Variants in CSMD2 observed in about 807,000 individuals in gnomAD.
CSMD2 encodes CUB and sushi domain-containing protein 2.
A neutral mutation model predicts 398.5 loss-of-function variants in CSMD2; 130 were observed. That is an observed-to-expected ratio of 0.33 (90% CI 0.28 to 0.38). The LOEUF (loss-of-function observed/expected upper bound fraction) is 0.38. Among genes scored for constraint, CSMD2 ranks in the 10% least tolerant of loss-of-function variants. CSMD2 has a pLI of 1.00. For missense variants in CSMD2, 3,829 were observed against 4,764.9 expected, an observed-to-expected ratio of 0.80 and a Z score of 5.78; for synonymous variants, 1,828 against 1,908.5, an observed-to-expected ratio of 0.96 and a Z score of 1.10.
intron 21 of CSMD2, among the ~76,000 whole-genome samples, chr1:33,710,355 A>G (rs928304408): frequency 6.6e-6 from 1 of 152,170 alleles, no homozygotes; most frequent in Non-Finnish European, 1.5e-5. Flanking sequence ...TGAATCTATG[A>G]ATTTCCAAGG....
intron 10 of CSMD2, among the ~76,000 whole-genome samples, chr1:33,793,304 A>G (rs1654547739): frequency 6.6e-6 from 1 of 152,154 alleles, no homozygotes; most frequent in Admixed American, 6.5e-5. Flanking sequence ...TGACCCCATC[A>G]GGCCAAAGGG....
chr1:33,604,352 A>G (rs2148816417), intron 42 of CSMD2, among the ~76,000 whole-genome samples: 1 of 152,368 alleles, frequency 6.6e-6, no homozygotes, highest in South Asian at 2.1e-4. Context: ...TTTACATTCC[A>G]ACACCAGAAC....
At chr1:33,931,814 A>G (rs1011545865) in intron 4 of CSMD2, among the ~76,000 whole-genome samples, 9 of 152,238 alleles carry the variant, frequency 5.9e-5, no homozygotes, top group African/African-American at 1.7e-4. Flanking sequence ...TAAGGGACTG[A>G]GCCACTCAGT....
intron 51 of CSMD2, among the ~76,000 whole-genome samples, chr1:33,570,286 G>A (rs1007326480): frequency 2.0e-5 from 3 of 149,802 alleles, no homozygotes; most frequent in African/African-American, 7.4e-5. Context: ...TTTTGCCTCA[G>A]CCTCCCAAGT....
intron 5 of CSMD2, among the ~76,000 whole-genome samples, chr1:33,851,003 C>T (rs116612487): frequency 6.6e-6 from 1 of 152,092 alleles, no homozygotes; most frequent in South Asian, 2.1e-4. Flanking sequence ...CTGAGAGATA[C>T]CCCCATCAAG....
intron 3 of CSMD2, among the ~76,000 whole-genome samples, chr1:33,996,024 A>G (rs1646715312): frequency 6.6e-6 from 1 of 152,248 alleles, no homozygotes; most frequent in Admixed American, 6.5e-5. Context: ...AGACACAACA[A>G]ACAAAGAACA....
chr1:33,801,040 G>A (rs1263121429), intron 10 of CSMD2, among the ~76,000 whole-genome samples: 2 of 152,182 alleles, frequency 1.3e-5, no homozygotes, highest in African/African-American at 4.8e-5. Flanking sequence ...CCTGCCTGGA[G>A]AATTAATTCT....
intron 6 of CSMD2, among the ~76,000 whole-genome samples, chr1:33,826,732 A>G (rs561632773): frequency 5.3e-5 from 8 of 152,320 alleles, no homozygotes; most frequent in African/African-American, 1.9e-4. Context: ...TGTACCCATC[A>G]GCCGCCTTTG....
chr1:33,915,103 A>AT lies in CSMD2; in HGVS notation c.920+2990dup, dbSNP rs1003714831. 2.1e-3 allele frequency among the ~76,000 whole-genome samples: 323 copies of AT among 150,244 alleles called. 2 individuals are homozygous for AT. The highest frequency in any genetic ancestry group is 7.3e-3 in the African/African-American group (298 of 40,964). On this transcript the variant is annotated intron_variant, in intron 5 of 70. Coordinates refer to ENST00000373381, the MANE Select transcript of CSMD2 (RefSeq NM_001281956.2). ...TGTTATCTGGTAAGGGAGGTAGTGG[A>AT]TTTTTTTTTTCTCTCAAAGGAATTC...
At chr1:33,688,240 A>C (rs1391000170) in intron 25 of CSMD2, among the ~76,000 whole-genome samples, 2 of 152,196 alleles carry the variant, frequency 1.3e-5, no homozygotes, top group East Asian at 1.9e-4. Flanking sequence ...ATCAAACAGG[A>C]TGAGGTAGGT....
At chr1:33,651,128 A>G (rs1643732595) in intron 28 of CSMD2, among the ~76,000 whole-genome samples, 1 of 152,140 alleles carries the variant, frequency 6.6e-6, no homozygotes, top group African/African-American at 2.4e-5. Flanking sequence ...TAAGGGAGAG[A>G]TCGGCATGGG....
At chr1:33,839,156 T>C (rs1301221276) in intron 6 of CSMD2, 2 of 152,204 alleles carry the variant, frequency 1.3e-5, no homozygotes, top group Non-Finnish European at 2.9e-5. Context: ...TTGACCAAGA[T>C]TACATCTCTT....
chr1:34,065,401 C>A (rs1457127688), intron 2 of CSMD2, among the ~76,000 whole-genome samples: 1 of 152,198 alleles, frequency 6.6e-6, no homozygotes, highest in Non-Finnish European at 1.5e-5. Flanking sequence ...AAGGTTCAGG[C>A]AGTAAAACAG....
At chr1:33,528,957 A>G (rs1655016664) in intron 64 of CSMD2, among the ~76,000 whole-genome samples, 1 of 152,234 alleles carries the variant, frequency 6.6e-6, no homozygotes, top group Non-Finnish European at 1.5e-5. Flanking sequence ...AATACTCCCC[A>G]AATTGATCTA....
chr1:33,696,428 C>T (rs377531231), intron 24 of CSMD2, among the ~76,000 whole-genome samples: 1 of 152,198 alleles, frequency 6.6e-6, no homozygotes, highest in East Asian at 1.9e-4. Context: ...CTTCACTCTT[C>T]TCTCCAAGGT....
intron 1 of CSMD2, among the ~76,000 whole-genome samples, chr1:34,134,653 GCAAAAAAGATTTGCCATGCTACTA>G (rs1371063925): frequency 1.2e-4 from 18 of 152,180 alleles, no homozygotes; most frequent in Admixed American, 3.3e-4. Context: ...GGTCCAAACT[GCAAAAAAGATTTGCCATGCTACTA>G]CAGATTAAAG....
chr1:33,992,749 C>T (rs1646599111), intron 3 of CSMD2, among the ~76,000 whole-genome samples: 3 of 151,368 alleles, frequency 2.0e-5, no homozygotes, highest in East Asian at 2.0e-4. Context: ...TGGTGGTGGG[C>T]GCCTGTGGTT....
At chr1:33,703,421 T>C (rs1645675262) in intron 22 of CSMD2, among the ~76,000 whole-genome samples, 1 of 152,218 alleles carries the variant, frequency 6.6e-6, no homozygotes, top group South Asian at 2.1e-4. Context: ...TGATTGCTAT[T>C]GGGAATTGGG....
chr1:34,134,487 T>A (rs1261143410), intron 1 of CSMD2, among the ~76,000 whole-genome samples: 1 of 152,226 alleles, frequency 6.6e-6, no homozygotes, highest in Non-Finnish European at 1.5e-5. Flanking sequence ...CAAGACACAT[T>A]CATTGTTAAA....
Sources: allele counts gnomAD v4.1 joint callset (sites outside exome capture counted in the v4.1 genomes callset), GRCh38; gene constraint gnomAD v4.1.1; transcripts MANE v1.5; gene names NCBI Gene and HGNC (gene_info 2026-07-23, HGNC 2026-07-21).